Variants in GRM8 observed in about 807,000 individuals in gnomAD.
GRM8 encodes metabotropic glutamate receptor 8.
A neutral mutation model predicts 87.2 loss-of-function variants in GRM8; 47 were observed. That is an observed-to-expected ratio of 0.54 (90% CI 0.43 to 0.69). The LOEUF is 0.69. GRM8 is among the 30% of genes least tolerant of loss of function. The probability of loss-of-function intolerance (pLI) is 0.00; values close to 1 mark genes in which losing one functional copy is unlikely to be tolerated. For missense variants in GRM8, 1,019 were observed against 1,139.2 expected (o/e 0.89, Z 1.52); for synonymous variants, 396 against 404.5 (o/e 0.98, Z 0.25).
chr7:127,248,045 T>C (rs1798670123), intron 1 of GRM8, among the ~76,000 whole-genome samples: 1 of 152,216 alleles, frequency 6.6e-6, no homozygotes, highest in African/African-American at 2.4e-5. Context: ...TTCCTTTAAA[T>C]AGCTAAATCC....
intron 7 of GRM8, among the ~76,000 whole-genome samples, chr7:126,714,946 T>G (rs1811557064): frequency 6.6e-6 from 1 of 152,202 alleles, no homozygotes; most frequent in Non-Finnish European, 1.5e-5. Context: ...TTTATCGATA[T>G]CATAAGTGTA....
intron 3 of GRM8, among the ~76,000 whole-genome samples, chr7:126,951,199 T>C (rs1808107044): frequency 6.6e-6 from 1 of 152,036 alleles, no homozygotes. Context: ...AAAGTGATTA[T>C]AAGAAAACAC....
At chr7:126,618,363 T>C (rs1387271589) in intron 7 of GRM8, among the ~76,000 whole-genome samples, 1 of 152,158 alleles carries the variant, frequency 6.6e-6, no homozygotes, top group African/African-American at 2.4e-5. Flanking sequence ...TTACACCTTA[T>C]ACAAAAATTA....
At chr7:127,181,419 G>A (rs1176724522) in intron 2 of GRM8, among the ~76,000 whole-genome samples, 6 of 151,972 alleles carry the variant, frequency 3.9e-5, no homozygotes, top group Non-Finnish European at 8.8e-5. Context: ...TGACCATACT[G>A]CCAAAAGCAA....
intron 6 of GRM8, among the ~76,000 whole-genome samples, chr7:126,885,128 C>T (rs1366136427): frequency 6.6e-6 from 1 of 152,146 alleles, no homozygotes; most frequent in Non-Finnish European, 1.5e-5. Context: ...AAAATGAATT[C>T]ACCACACTCT....
intron 7 of GRM8, among the ~76,000 whole-genome samples, chr7:126,689,553 TAG>T (rs1808578714): frequency 6.6e-6 from 1 of 152,076 alleles, no homozygotes; most frequent in Non-Finnish European, 1.5e-5. Context: ...AATCATTCAC[TAG>T]ATAACTGAAG....
At chr7:126,612,184 T>A (rs1462409946) in intron 7 of GRM8, among the ~76,000 whole-genome samples, 1 of 152,228 alleles carries the variant, frequency 6.6e-6, no homozygotes, top group Non-Finnish European at 1.5e-5. Flanking sequence ...ACGTATTAAC[T>A]ATAATTTCTT....
intron 9 of GRM8, among the ~76,000 whole-genome samples, chr7:126,488,088 C>T (rs534984394): frequency 1.2e-4 from 18 of 151,880 alleles, no homozygotes; most frequent in Non-Finnish European, 2.2e-4. Context: ...TCTTCTTTCT[C>T]ATCATGTAGA....
chr7:127,056,084 TTTGAACTAGGCA>T (rs1264048170), intron 3 of GRM8, among the ~76,000 whole-genome samples: 1 of 152,160 alleles, frequency 6.6e-6, no homozygotes, highest in Non-Finnish European at 1.5e-5. Flanking sequence ...TCAGCTTTCC[TTTGAACTAGGCA>T]TTCCCCAAGT....
At chr7:126,744,164 C>A (rs547863881) in intron 7 of GRM8, among the ~76,000 whole-genome samples, 1 of 151,946 alleles carries the variant, frequency 6.6e-6, no homozygotes, top group Non-Finnish European at 1.5e-5. Context: ...CAAAGCATGA[C>A]GCTTGACTCA....
At chr7:126,637,486 A>T (rs1801982166) in intron 7 of GRM8, among the ~76,000 whole-genome samples, 1 of 152,122 alleles carries the variant, frequency 6.6e-6, no homozygotes, top group South Asian at 2.1e-4. Flanking sequence ...AAAGAAGTTA[A>T]ATAAATAAAT....
chr7:126,931,382 GC>G (rs1354238775), intron 3 of GRM8, among the ~76,000 whole-genome samples: 1 of 152,162 alleles, frequency 6.6e-6, no homozygotes, highest in Non-Finnish European at 1.5e-5. Flanking sequence ...CCTGAGGCAT[GC>G]TTTTGCATGT....
At chr7:126,885,554 C>G (rs1209798577) in intron 6 of GRM8, among the ~76,000 whole-genome samples, 2 of 152,082 alleles carry the variant, frequency 1.3e-5, no homozygotes, top group African/African-American at 4.8e-5. Flanking sequence ...GCCTGGGAAA[C>G]AGAACACAGG....
At chr7:126,734,771 T>C (rs947640655) in intron 7 of GRM8, among the ~76,000 whole-genome samples, 1 of 152,050 alleles carries the variant, frequency 6.6e-6, no homozygotes, top group Admixed American at 6.6e-5. Context: ...AGTTCAAAGA[T>C]TGACCTGTGA....
At chr7:126,985,473 T>G (rs1299007375) in intron 3 of GRM8, among the ~76,000 whole-genome samples, 7 of 152,204 alleles carry the variant, frequency 4.6e-5, no homozygotes, top group Non-Finnish European at 1.0e-4. Context: ...ACAATTTGAG[T>G]TTATTAGTAA....
intron 2 of GRM8, among the ~76,000 whole-genome samples, chr7:127,145,964 C>CT (rs1167096665): frequency 1.3e-5 from 2 of 151,842 alleles, no homozygotes; most frequent in Non-Finnish European, 2.9e-5. Flanking sequence ...TTGAGAAACA[C>CT]TTTTTTTGGT....
chr7:126,556,489 A>C (rs895644817), intron 8 of GRM8, among the ~76,000 whole-genome samples: 1 of 152,044 alleles, frequency 6.6e-6, no homozygotes, highest in Non-Finnish European at 1.5e-5. Context: ...TCTACTAAAA[A>C]TACAAAAATT....
At chr7:126,748,487 A>G (rs1815979001) in intron 7 of GRM8, among the ~76,000 whole-genome samples, 1 of 152,058 alleles carries the variant, frequency 6.6e-6, no homozygotes, top group Admixed American at 6.6e-5. Context: ...AAATTTTAAA[A>G]CATCTAAATA....
chr7:126,652,979 T>C (rs990574351), intron 7 of GRM8, among the ~76,000 whole-genome samples: 3 of 152,038 alleles, frequency 2.0e-5, no homozygotes, highest in Non-Finnish European at 4.4e-5. Flanking sequence ...ACAGGAACAC[T>C]GACCTCATCA....
Sources: allele counts gnomAD v4.1 joint callset (sites outside exome capture counted in the v4.1 genomes callset), GRCh38; gene constraint gnomAD v4.1.1; transcripts MANE v1.5; gene names NCBI Gene and HGNC (gene_info 2026-07-23, HGNC 2026-07-21).